ALG14: variants seen among roughly 807,000 people sequenced by gnomAD.
ALG14 encodes the protein ALG14 UDP-N-acetylglucosaminyltransferase subunit.
In ALG14, 17 loss-of-function variants were observed where a neutral mutation model predicts 22.8. That is an observed-to-expected ratio of 0.75 (90% CI 0.51 to 1.12). The LOEUF (loss-of-function observed/expected upper bound fraction) is 1.12, where lower values mean the gene tolerates loss of function less well. Ranked by LOEUF, ALG14 falls within the 50% of genes most tolerant of loss-of-function variation. The probability of loss-of-function intolerance (pLI) is 0.00; values close to 1 mark genes in which losing one functional copy is unlikely to be tolerated. For synonymous variants in ALG14, 89 were observed against 103.7 expected (o/e 0.86, Z 0.86); for missense variants, 288 against 271.8 (o/e 1.06, Z -0.42).
chr1:94,990,200 C>G (rs1672739248), intron 3 of ALG14, among the ~76,000 whole-genome samples: 1 of 152,112 alleles, frequency 6.6e-6, no homozygotes, highest in Non-Finnish European at 1.5e-5. Context: ...ATATAACATG[C>G]AGAGGTTACA....
At chr1:95,045,505 AAAG>A (rs945354770) in intron 2 of ALG14, among the ~76,000 whole-genome samples, 1 of 152,150 alleles carries the variant, frequency 6.6e-6, no homozygotes, top group Admixed American at 6.5e-5. Flanking sequence ...AATGTGATTT[AAAG>A]AAGACTAGAG....
chr1:95,041,145 T>C (rs1674363625), intron 2 of ALG14, among the ~76,000 whole-genome samples: 1 of 152,190 alleles, frequency 6.6e-6, no homozygotes, highest in African/African-American at 2.4e-5. Flanking sequence ...TTACAAATAT[T>C]TTCTTATTCA....
intron 2 of ALG14, chr1:95,036,006 T>C (rs907065385): frequency 2.6e-5 from 4 of 152,248 alleles, no homozygotes; most frequent in Admixed American, 6.5e-5. Context: ...ATGGTTCAAC[T>C]AATCATTATG....
intron 2 of ALG14, among the ~76,000 whole-genome samples, chr1:95,040,705 T>A (rs10874902): frequency 0.65 from 98,885 of 151,906 alleles, 33,486 homozygotes; most frequent in African/African-American, 0.83. Flanking sequence ...ATTTTTTTTT[T>A]AATTGTGCTA....
intron 2 of ALG14, among the ~76,000 whole-genome samples, chr1:95,033,213 C>T (rs961416491): frequency 6.6e-6 from 1 of 151,894 alleles, no homozygotes; most frequent in African/African-American, 2.4e-5. Context: ...TTTTACCACC[C>T]CTACCTCCCA....
chr1:95,014,540 C>A (rs1056871965), intron 3 of ALG14, among the ~76,000 whole-genome samples: 1 of 152,192 alleles, frequency 6.6e-6, no homozygotes, highest in South Asian at 2.1e-4. Flanking sequence ...CTTCTGAGCA[C>A]AAATTGCCAT....
At chr1:95,021,106 G>A (rs1673649135) in intron 3 of ALG14, among the ~76,000 whole-genome samples, 1 of 152,204 alleles carries the variant, frequency 6.6e-6, no homozygotes, top group Non-Finnish European at 1.5e-5. Flanking sequence ...GGGAGCAAAA[G>A]TTAACCAAGG....
At chr1:95,072,214 A>T (rs1675587644) in intron 1 of ALG14, among the ~76,000 whole-genome samples, 1 of 152,168 alleles carries the variant, frequency 6.6e-6, no homozygotes, top group Admixed American at 6.5e-5. Context: ...TGTATTTAAA[A>T]TTGTAAGCAC....
chr1:95,025,389 T>C (rs978846158), intron 3 of ALG14, among the ~76,000 whole-genome samples: 5 of 152,148 alleles, frequency 3.3e-5, no homozygotes, highest in African/African-American at 1.2e-4. Flanking sequence ...ACAGGCAGAA[T>C]AGATTTAGCA....
intron 3 of ALG14, among the ~76,000 whole-genome samples, chr1:94,987,601 C>A (rs537374570): frequency 6.6e-6 from 1 of 152,176 alleles, no homozygotes; most frequent in African/African-American, 2.4e-5. Context: ...TGGGTCACCA[C>A]AGGTCAAGTC....
In ALG14 at chr1:94,982,569, T is replaced by C. The variant is rs1672520943; in HGVS notation, c.*507A>G. 1 of 153,456 alleles carries C rather than the reference T, an allele frequency of 6.5e-6. No homozygotes were observed. 9.5% of individuals were successfully genotyped at this position (153,456 alleles called of 1,614,324 possible). On this transcript the variant is annotated 3_prime_UTR_variant, in exon 4 of 4. Transcript: ENST00000370205. Reference sequence around the variant, plus strand: ...TGTCATGAAGCCAATTTAATATAACTGCTTCCTTTATGCTGAAAGGATTCA... The same window carrying C: ...TGTCATGAAGCCAATTTAATATAACCGCTTCCTTTATGCTGAAAGGATTCA...
chr1:95,056,235 G>T (rs1674929708), intron 2 of ALG14, among the ~76,000 whole-genome samples: 2 of 152,102 alleles, frequency 1.3e-5, no homozygotes, highest in South Asian at 4.1e-4. Flanking sequence ...CTGCAGAAAT[G>T]GACTGCTGAA....
chr1:95,033,456 T>TAC (rs565814749), intron 2 of ALG14, among the ~76,000 whole-genome samples: 297 of 148,672 alleles, frequency 2.0e-3, no homozygotes, highest in African/African-American at 5.5e-3. Flanking sequence ...TACATATATA[T>TAC]ACACACACAC....
intron 3 of ALG14, among the ~76,000 whole-genome samples, chr1:94,996,822 C>T (rs1244387982): frequency 1.3e-5 from 2 of 152,104 alleles, no homozygotes; most frequent in Non-Finnish European, 1.5e-5. Context: ...GCTGGGATTA[C>T]AGGTGCCCAC....
At chr1:95,020,746 A>AC (rs903115771) in intron 3 of ALG14, among the ~76,000 whole-genome samples, 121 of 151,782 alleles carry the variant, frequency 8.0e-4, no homozygotes, top group Non-Finnish European at 1.5e-3. Flanking sequence ...CTCAAAAAAA[A>AC]AAAACAAAAC....
intron 3 of ALG14, among the ~76,000 whole-genome samples, chr1:95,000,106 T>G (rs1400815539): frequency 6.6e-6 from 1 of 152,218 alleles, no homozygotes; most frequent in Non-Finnish European, 1.5e-5. Context: ...AAAAGTTCCT[T>G]CCTAAACTCA....
At chr1:94,991,624 G>C (rs1672775935) in intron 3 of ALG14, among the ~76,000 whole-genome samples, 1 of 152,118 alleles carries the variant, frequency 6.6e-6, no homozygotes, top group South Asian at 2.1e-4. Flanking sequence ...TGAGTGTGAA[G>C]GCCCAGGACA....
chr1:95,059,937 A>G (rs1557654196), intron 2 of ALG14, among the ~76,000 whole-genome samples: 1 of 151,908 alleles, frequency 6.6e-6, no homozygotes, highest in African/African-American at 2.4e-5. Flanking sequence ...ATCACTATTG[A>G]TTTCTTCAGC....
intron 2 of ALG14, among the ~76,000 whole-genome samples, chr1:95,039,301 G>C (rs1375445798): frequency 6.6e-6 from 1 of 152,126 alleles, no homozygotes; most frequent in Non-Finnish European, 1.5e-5. Flanking sequence ...TACCAGTCTA[G>C]TAATTATGAA....
Sources: gnomAD v4.1 joint callset for allele counts (sites outside exome capture counted in the v4.1 genomes callset) on GRCh38, gnomAD v4.1.1 for gene constraint, MANE v1.5 for transcripts, NCBI Gene and HGNC (gene_info 2026-07-23, HGNC 2026-07-21) for gene names.